Variants in BAZ2B observed in about 807,000 individuals in gnomAD.
BAZ2B encodes the protein bromodomain adjacent to zinc finger domain 2B.
BAZ2B carries 91 observed loss-of-function variants against 246.0 expected under a neutral mutation model. That is an observed-to-expected ratio of 0.37 (90% CI 0.31 to 0.44). The LOEUF (loss-of-function observed/expected upper bound fraction) is 0.44. Ranked by LOEUF, BAZ2B falls within the 20% of genes least tolerant of loss-of-function variation. The probability of loss-of-function intolerance (pLI) is 1.00; values close to 1 mark genes in which losing one functional copy is unlikely to be tolerated. For missense variants in BAZ2B, 2,332 were observed against 2,533.7 expected, an observed-to-expected ratio of 0.92 and a Z score of 1.71; for synonymous variants, 855 against 860.0, an observed-to-expected ratio of 0.99 and a Z score of 0.10.
intron 25 of BAZ2B, among the ~76,000 whole-genome samples, chr2:159,377,046 C>T (rs1430288874): frequency 6.6e-6 from 1 of 152,144 alleles, no homozygotes; most frequent in Admixed American, 6.5e-5. Flanking sequence ...CTCAACACAA[C>T]TCTACGGAAT....
the BAZ2B span, among the ~76,000 whole-genome samples, chr2:159,635,303 A>G: frequency 2.6e-5 from 4 of 152,146 alleles, no homozygotes; most frequent in Non-Finnish European, 5.9e-5. Flanking sequence ...GCTTTTAGTC[A>G]TCTCTTCTCA....
chr2:159,355,205 C>T (rs564535064), intron 27 of BAZ2B, among the ~76,000 whole-genome samples: 2 of 152,280 alleles, frequency 1.3e-5, no homozygotes, highest in East Asian at 3.9e-4. Context: ...GGTTCAATCA[C>T]AAATGGCCCC....
chr2:159,506,930 T>C (rs1024815164), intron 2 of BAZ2B, among the ~76,000 whole-genome samples: 3 of 152,064 alleles, frequency 2.0e-5, no homozygotes, highest in Non-Finnish European at 4.4e-5. Context: ...GAGGTCAGAG[T>C]CTGAAAACTG....
chr2:159,704,504 C>T, the BAZ2B span, among the ~76,000 whole-genome samples: 9 of 110,946 alleles, frequency 8.1e-5, no homozygotes, highest in South Asian at 3.2e-4. Context: ...TTTTTTGAGA[C>T]GGAGTTTCGC....
chr2:159,444,880 T>G (rs1385830538), intron 6 of BAZ2B: 1 of 152,292 alleles, frequency 6.6e-6, no homozygotes, highest in African/African-American at 2.4e-5. Context: ...ACTCTTATCT[T>G]TGTTTCCCAA....
At chr2:159,354,400 G>A (rs1292981555) in intron 27 of BAZ2B, among the ~76,000 whole-genome samples, 3 of 152,014 alleles carry the variant, frequency 2.0e-5, no homozygotes, top group African/African-American at 7.3e-5. Flanking sequence ...CACCCAGGTA[G>A]AGTGCAGTGG....
At chr2:159,324,582 AT>A (rs1416029885) in intron 36 of BAZ2B, among the ~76,000 whole-genome samples, 1 of 148,750 alleles carries the variant, frequency 6.7e-6, no homozygotes, top group African/African-American at 2.5e-5. Flanking sequence ...TTCTTAAATA[AT>A]TTTAGTTGGT....
At position 159,439,133 on chromosome 2, in the gene BAZ2B, C is replaced by T. The variant is rs1224936250; in HGVS notation, c.776G>A (p.Gly259Asp). 4 of 1,613,852 alleles carry T rather than the reference C, an allele frequency of 2.5e-6. No individual in the cohort carries two copies. Among genetic ancestry groups the T allele is most frequent in the African/African-American group, 2.7e-5 (2 of 74,922 alleles). The part of the protein sequence containing the change: ...SGTSSDTSSE[G>D]ISSSDSDDLE... ...ATCATCTGAATCACTGCTACTAATG[C>T]CTTCACTTGAGGTGTCTGATGATGT... The change falls in exon 7 of 37, where the codon GGC (glycine) becomes GAC (aspartate). Residue 259 changes from glycine to aspartate, a missense_variant. Gly to Asp is a moderately conservative substitution (Grantham distance 94). Transcript: ENST00000392783.
At chr2:159,653,704 T>C in the BAZ2B span, among the ~76,000 whole-genome samples, 3 of 152,200 alleles carry the variant, frequency 2.0e-5, no homozygotes, top group Non-Finnish European at 4.4e-5. Context: ...ATTGACATGG[T>C]TGTCACTAAA....
Position 159,448,247 on chromosome 2 carries a change from T to G in BAZ2B, c.497A>C (p.Glu166Ala). The change falls in exon 5 of 37, where the codon GAA becomes GCA. Residue 166 changes from glutamate (E) to alanine (A), a missense_variant. Around this residue, in one of 9 missense-constraint regions of BAZ2B, gnomAD observed 242 missense variants for 237.4 expected, o/e 1.02. Coordinates refer to ENST00000392783, the MANE Select transcript of BAZ2B (RefSeq NM_013450.4). ...ACTTATGTAAATGTGGATACCTTTT[T>G]CGGGACCATTTCGATTACTTTTTCC... ...TSGKSNRNGP[E>A]KGVNGSINGS... 6.2e-7 allele frequency: 1 copy of G among 1,611,928 alleles called. No individual in the cohort carries two copies. The highest frequency in any genetic ancestry group is 8.5e-7 in the Non-Finnish European group (1 of 1,179,486).
the BAZ2B span, among the ~76,000 whole-genome samples, chr2:159,637,543 C>T: frequency 6.6e-6 from 1 of 152,148 alleles, no homozygotes; most frequent in African/African-American, 2.4e-5. Context: ...TAAAATAAAA[C>T]ATCAGGTAAA....
chr2:159,604,951 TGC>T (rs66698312), intron 1 of BAZ2B, among the ~76,000 whole-genome samples: 9 of 144,326 alleles, frequency 6.2e-5, no homozygotes, highest in South Asian at 4.2e-4. Context: ...TGTGTGTGTG[TGC>T]GCGTGTGTGC....
At chr2:159,542,167 AC>A (rs2086732892) in intron 2 of BAZ2B, among the ~76,000 whole-genome samples, 1 of 152,192 alleles carries the variant, frequency 6.6e-6, no homozygotes, top group African/African-American at 2.4e-5. Flanking sequence ...ACAAAAGTGA[AC>A]AGAGCCTATG....
chr2:159,495,311 C>T (rs1200184295), intron 2 of BAZ2B, among the ~76,000 whole-genome samples: 1 of 149,998 alleles, frequency 6.7e-6, no homozygotes. Flanking sequence ...CGGTGAAACC[C>T]CGTCTCTACT....
At chr2:159,500,484 G>C (rs555246708) in intron 2 of BAZ2B, among the ~76,000 whole-genome samples, 1 of 152,216 alleles carries the variant, frequency 6.6e-6, no homozygotes, top group South Asian at 2.1e-4. Flanking sequence ...GATGCCTCCA[G>C]CTTTGTTCTT....
At chr2:159,536,070 C>T (rs959319281) in intron 2 of BAZ2B, among the ~76,000 whole-genome samples, 1 of 152,166 alleles carries the variant, frequency 6.6e-6, no homozygotes, top group Non-Finnish European at 1.5e-5. Context: ...ACATGAGCAA[C>T]TAACTACAAA....
chr2:159,639,399 A>C, the BAZ2B span, among the ~76,000 whole-genome samples: 1 of 152,216 alleles, frequency 6.6e-6, no homozygotes, highest in African/African-American at 2.4e-5. Context: ...ATAGTGTAAC[A>C]CTGTAATTGT....
chr2:159,573,146 A>AT (rs1281850574), intron 1 of BAZ2B, among the ~76,000 whole-genome samples: 1 of 152,206 alleles, frequency 6.6e-6, no homozygotes, highest in Non-Finnish European at 1.5e-5. Flanking sequence ...GAAGAAAGTA[A>AT]TTTCAGATAA....
chr2:159,354,497 C>T (rs1050229813), intron 27 of BAZ2B, among the ~76,000 whole-genome samples: 1 of 152,030 alleles, frequency 6.6e-6, no homozygotes, highest in Non-Finnish European at 1.5e-5. Flanking sequence ...ACTAGAGGCA[C>T]GTGCCACCAT....
Sources: gnomAD v4.1 joint callset for allele counts (sites outside exome capture counted in the v4.1 genomes callset) on GRCh38, gnomAD v4.1.1 for gene constraint, gnomAD v4.1.1 regional missense constraint, MANE v1.5 for transcripts, NCBI Gene and HGNC (gene_info 2026-07-23, HGNC 2026-07-21) for gene names.